Variants in TENM1 observed in about 807,000 individuals in gnomAD.
The protein encoded by TENM1 is teneurin transmembrane protein 1.
Under a neutral mutation model 174.8 loss-of-function variants are expected in TENM1, and 35 were observed. The observed-to-expected ratio is 0.20, with a 90% CI of 0.15 to 0.27. TENM1 has a LOEUF of 0.27. TENM1 is among the 10% of genes least tolerant of loss of function. The probability of loss-of-function intolerance (pLI) is 1.00; values close to 1 mark genes in which losing one functional copy is unlikely to be tolerated. For synonymous variants in TENM1, 781 were observed against 798.7 expected, an observed-to-expected ratio of 0.98 and a Z score of 0.37; for missense variants, 1,633 against 2,130.1, an observed-to-expected ratio of 0.77 and a Z score of 4.59.
intron 4 of TENM1, 102 bp downstream of exon 7, chrX:124,736,855 G>C: frequency 9.6e-7 from 1 of 1,040,411 alleles, no homozygotes; most frequent in Non-Finnish European, 1.3e-6. Context: ...TTGTGCATTT[G>C]TGTGTCTCTG....
the TENM1 span, among the ~76,000 whole-genome samples, chrX:125,198,880 C>A: frequency 9.2e-6 from 1 of 109,016 alleles, no homozygotes; most frequent in Non-Finnish European, 1.9e-5. Flanking sequence ...GGGGTGGGGG[C>A]AGGGAAGGGG....
chrX:124,931,084 A>C (rs539956241), intron 1 of TENM1, among the ~76,000 whole-genome samples: 3 of 109,429 alleles, frequency 2.7e-5, no homozygotes, highest in African/African-American at 1.0e-4. Context: ...AAAATGCAAA[A>C]TGGAGAAACC....
chrX:124,658,664 A>C (rs1350544763), intron 6 of TENM1, among the ~76,000 whole-genome samples: 1 of 111,921 alleles, frequency 8.9e-6, no homozygotes, highest in Admixed American at 9.5e-5. Flanking sequence ...TAGATAGCTC[A>C]CTGTGTAGAA....
chrX:124,985,056 G>A, the TENM1 span, among the ~76,000 whole-genome samples: 9 of 111,740 alleles, frequency 8.1e-5, no homozygotes, highest in South Asian at 7.5e-4. Context: ...TGACCCTTTC[G>A]TCGTCAACAA....
intron 3 of TENM1, among the ~76,000 whole-genome samples, chrX:124,844,419 C>T (rs1190045186): frequency 9.0e-6 from 1 of 111,396 alleles, no homozygotes; most frequent in East Asian, 2.8e-4. Flanking sequence ...CATTTGATCC[C>T]TAAGAGGAAG....
chrX:125,103,294 A>C, the TENM1 span, among the ~76,000 whole-genome samples: 1 of 111,340 alleles, frequency 9.0e-6, no homozygotes, highest in African/African-American at 3.3e-5. Flanking sequence ...ATGGTACCTA[A>C]ATTAATTTGT....
chrX:124,435,841 G>A (rs111272837), intron 23 of TENM1, among the ~76,000 whole-genome samples: 1,453 of 111,696 alleles, frequency 0.013, 20 homozygotes, highest in African/African-American at 0.045. Context: ...CTGGAGATCG[G>A]CCACCTGACC....
At chrX:124,730,680 A>T (rs1419242202) in intron 4 of TENM1, among the ~76,000 whole-genome samples, 1 of 112,142 alleles carries the variant, frequency 8.9e-6, no homozygotes, top group Non-Finnish European at 1.9e-5. Flanking sequence ...GCAAAATGCA[A>T]ATATATGGCA....
At chrX:124,812,390 G>T (rs1446148785) in intron 3 of TENM1, among the ~76,000 whole-genome samples, 1 of 111,379 alleles carries the variant, frequency 9.0e-6, no homozygotes, top group African/African-American at 3.2e-5. Context: ...GGAAAGAAAA[G>T]AAACAAGTAA....
intron 5 of TENM1, among the ~76,000 whole-genome samples, chrX:124,699,355 T>G (rs2052723408): frequency 9.0e-6 from 1 of 111,155 alleles, no homozygotes; most frequent in Admixed American, 9.6e-5. Context: ...GATCTTTATC[T>G]ATTTCACAGA....
intron 11 of TENM1, among the ~76,000 whole-genome samples, chrX:124,588,530 TG>T (rs1205957560): frequency 1.1e-5 from 1 of 91,444 alleles, no homozygotes; most frequent in Non-Finnish European, 2.1e-5. Flanking sequence ...CATCACACTC[TG>T]GGGACTGTTG....
chrX:125,089,909 G>A, the TENM1 span, among the ~76,000 whole-genome samples: 1,994 of 111,054 alleles, frequency 0.018, 40 homozygotes, highest in African/African-American at 0.06. Context: ...GAAAATTTAG[G>A]GGTCTGTGTA....
chrX:124,497,623 T>C (rs892171961), intron 19 of TENM1, among the ~76,000 whole-genome samples: 1 of 111,490 alleles, frequency 9.0e-6, no homozygotes, highest in African/African-American at 3.3e-5. Context: ...TGGCTGGCTC[T>C]TTTCTGATGC....
intron 3 of TENM1, among the ~76,000 whole-genome samples, chrX:124,795,126 T>C (rs1293319937): frequency 1.8e-5 from 2 of 112,124 alleles, no homozygotes; most frequent in African/African-American, 6.5e-5. Context: ...CACTGGGATA[T>C]AGGGCAGCAT....
chrX:124,471,247 A>C lies in TENM1; in HGVS notation c.3949+10485T>G, dbSNP rs6649237. Reference sequence around the variant, plus strand: ...TATATAGTACTATATATAATATATAATAATATATATTATAATATATAGTAC... The same window carrying C: ...TATATAGTACTATATATAATATATACTAATATATATTATAATATATAGTAC... On this transcript the variant is annotated intron_variant, in intron 22 of 31. Transcript: ENST00000422452. Among the ~76,000 whole-genome samples the C allele has an allele frequency of 9.2e-3, 418 of 45,638 alleles. 18 individuals are homozygous for C. The highest frequency in any genetic ancestry group is 0.042 in the African/African-American group (398 of 9,461). The allele number at this position is 45,638 out of a possible 115,157, so 39.6% of individuals were successfully genotyped here. A position where few individuals can be genotyped will look rare whatever the true frequency, so the allele number is the denominator to read the frequency against.
chrX:125,140,783 A>AT, the TENM1 span, among the ~76,000 whole-genome samples: 3 of 111,891 alleles, frequency 2.7e-5, no homozygotes, highest in Non-Finnish European at 5.6e-5. Flanking sequence ...CCTAAGTAAT[A>AT]TTTTTTCTAC....
At chrX:125,155,468 A>T in the TENM1 span, among the ~76,000 whole-genome samples, 1 of 110,146 alleles carries the variant, frequency 9.1e-6, no homozygotes, top group African/African-American at 3.3e-5. Flanking sequence ...CCGTGCGCCC[A>T]CACTCCTCAG....
intron 11 of TENM1, among the ~76,000 whole-genome samples, chrX:124,627,969 C>G: frequency 9.0e-6 from 1 of 111,453 alleles, no homozygotes; most frequent in Non-Finnish European, 1.9e-5. Flanking sequence ...TATTTGTATT[C>G]TTTATCATCT....
At chrX:124,903,546 G>A (rs1396757306) in intron 1 of TENM1, among the ~76,000 whole-genome samples, 1 of 111,885 alleles carries the variant, frequency 8.9e-6, no homozygotes, top group African/African-American at 3.3e-5. Context: ...AATTTGATGT[G>A]GGAATAAGCA....
Sources: gnomAD v4.1 joint callset for allele counts (sites outside exome capture counted in the v4.1 genomes callset) on GRCh38, gnomAD v4.1.1 for gene constraint, MANE v1.5 for transcripts, NCBI Gene and HGNC (gene_info 2026-07-23, HGNC 2026-07-21) for gene names.